GBP5: variants seen among roughly 807,000 people sequenced by gnomAD.
GBP5 encodes the protein guanylate binding protein 5.
In GBP5, 48 loss-of-function variants were observed where a neutral mutation model predicts 58.2. The observed-to-expected ratio is 0.83, with a 90% confidence interval of 0.65 to 1.05. The LOEUF is 1.05. Ranked by LOEUF, GBP5 falls within the 50% of genes least tolerant of loss-of-function variation. The probability of loss-of-function intolerance (pLI) is 0.00; values close to 1 mark genes in which losing one functional copy is unlikely to be tolerated. For synonymous variants in GBP5, 248 were observed against 251.8 expected (o/e 0.98, Z 0.14); for missense variants, 714 against 686.8 (o/e 1.04, Z -0.44).
In GBP5 at chr1:89,257,076, T is replaced by G. The variant is rs1038949312; in HGVS notation, c.*3628A>C. 2.0e-5 allele frequency among the ~76,000 whole-genome samples: 3 copies of G among 152,242 alleles called. No individual in the cohort carries two copies. Among genetic ancestry groups the G allele is most frequent in the African/African-American group, 7.2e-5 (3 of 41,464 alleles). ...TAAATTTTAACACATTATTCAGTAT[T>G]TCTATGTTTTCCTAAGTATATTAGT... On this transcript the variant is annotated 3_prime_UTR_variant, in exon 12 of 12. Transcript: ENST00000370459.
chr1:89,268,349 T>C (rs1214869368), intron 4 of GBP5, among the ~76,000 whole-genome samples: 1 of 152,240 alleles, frequency 6.6e-6, no homozygotes, highest in Admixed American at 6.5e-5. Context: ...TGGAGAGACT[T>C]ACTTCTCTTA....
intron 7 of GBP5, among the ~76,000 whole-genome samples, chr1:89,265,503 C>A (rs997344239): frequency 6.6e-6 from 1 of 151,096 alleles, no homozygotes; most frequent in Admixed American, 6.6e-5. Context: ...CTGAGGCGGG[C>A]GGATCACGAG....
chr1:89,268,189 T>C (rs1260979056), intron 4 of GBP5, among the ~76,000 whole-genome samples: 1 of 152,252 alleles, frequency 6.6e-6, no homozygotes, highest in East Asian at 1.9e-4. Context: ...AATAGTCAAG[T>C]GCTACAAATC....
At chr1:89,269,239 G>T in intron 3 of GBP5, 127 bp downstream of exon 3, 1 of 907,552 alleles carries the variant, frequency 1.1e-6, no homozygotes, top group Non-Finnish European at 1.7e-6. Context: ...AAAAAGACCA[G>T]CTGTAGCCTA....
chr1:89,268,675 C>A, intron 4 of GBP5, 54 bp downstream of exon 4: 1 of 1,586,430 alleles, frequency 6.3e-7, no homozygotes, highest in Non-Finnish European at 8.6e-7. Context: ...TAAAATCTCC[C>A]TGTGAAAAGA....
intron 2 of GBP5, chr1:89,269,968 A>G (rs1002771730): frequency 6.5e-6 from 1 of 153,128 alleles, no homozygotes; most frequent in Admixed American, 6.5e-5. Flanking sequence ...AATATATTAC[A>G]CTGTTCCTTT....
At chr1:89,264,458 T>G (rs779775488) in intron 8 of GBP5, among the ~76,000 whole-genome samples, 5 of 152,218 alleles carry the variant, frequency 3.3e-5, no homozygotes, top group African/African-American at 4.8e-5. Flanking sequence ...ATTCAGTTCA[T>G]GGGTATAACA....
rs1250879088 is a variant in GBP5 at position 89,259,008 on chromosome 1, A to G, written c.*1696T>C. On this transcript the variant is annotated 3_prime_UTR_variant, in exon 12 of 12. Coordinates refer to ENST00000370459, the MANE Select transcript of GBP5 (RefSeq NM_052942.5). The stretch of plus-strand genomic sequence containing the variant: ...AATCTGTACAAACAGATATATTTAT[A>G]TAAGTTACATATTTTAAGAAAAATC... 3 of 152,120 alleles carry G rather than the reference A, an allele frequency of 2.0e-5. No individual in the cohort carries two copies. Among genetic ancestry groups the G allele is most frequent in the Non-Finnish European group, 4.4e-5 (3 of 68,000 alleles). The allele number at this position is 152,120 out of a possible 1,614,324, so 9.4% of individuals were successfully genotyped here.
chr1:89,262,765 T>C lies in GBP5; in HGVS notation c.1383A>G (p.Lys461=), dbSNP rs752232079. The C allele has an allele frequency of 7.0e-6, 11 of 1,572,422 alleles. No homozygotes were observed. The Admixed American group carries it at 2.3e-4, about 33-fold the overall frequency. The change falls in exon 10 of 12, where the codon AAA becomes AAG. Residue 461 remains lysine, a synonymous_variant. Transcript: ENST00000370459. ...KGIQAEEVLQ[K]YLKSKESVSH... ...TCACAGACTCCTTGGACTTTAAATA[T>C]TTCTGCAGAACTTCTTCAGCCTAGC...
chr1:89,267,296 T>G, intron 5 of GBP5, 121 bp downstream of exon 5: 1 of 962,998 alleles, frequency 1.0e-6, no homozygotes, highest in African/African-American at 1.6e-5. Flanking sequence ...GCTCCTTTCT[T>G]TGTACTTTCA....
chr1:89,263,776 A>T lies in GBP5; in HGVS notation c.1322T>A (p.Leu441Gln). The part of the protein sequence containing the change: ...HNLFIQKTEE[L>Q]KAKYYREPRK... ...AGGCTCCCGATAGTACTTTGCCTTC[A>T]GTTCTTCTGTTTTCTGAATGAAGAG... Residue 441 changes from leucine to glutamine, a missense_variant, in exon 9 of 12, where the codon CTG becomes CAG. By Grantham distance (113) the Leu-to-Gln change is moderately radical (BLOSUM62 -2). Coordinates refer to ENST00000370459, the MANE Select transcript of GBP5 (RefSeq NM_052942.5). 1 of 1,613,804 alleles carries T rather than the reference A, an allele frequency of 6.2e-7. No individual in the cohort carries two copies. The highest frequency in any genetic ancestry group is 8.5e-7 in the Non-Finnish European group (1 of 1,179,894).
chr1:89,264,091 C>T, intron 8 of GBP5, 143 bp from the exon 9 acceptor site: 1 of 597,898 alleles, frequency 1.7e-6, no homozygotes, highest in Non-Finnish European at 2.9e-6. Context: ...CCCACCAAAC[C>T]TGGAAAAATT....
chr1:89,267,262 A>G (rs1359118055), intron 5 of GBP5, 109 bp from the exon 6 acceptor site: 2 of 1,022,308 alleles, frequency 2.0e-6, no homozygotes, highest in South Asian at 1.6e-5. Flanking sequence ...TAACCAAATC[A>G]TCATTTTATC....
In GBP5 at chr1:89,267,455, A is replaced by C. The variant is rs1650267465; in HGVS notation, c.390T>G (p.Thr130=). ...TAGCACCCTGATCAATTTTGTTCACAGTATTGTACACAAAGGTGCTGCTCA... is the reference window on the plus strand; with the variant it reads ...TAGCACCCTGATCAATTTTGTTCACCGTATTGTACACAAAGGTGCTGCTCA... ...LLLSSTFVYN[T]VNKIDQGAID... Residue 130 remains threonine, a synonymous_variant, in exon 5 of 12, where the codon ACT becomes ACG. Transcript: ENST00000370459. 6.2e-7 allele frequency: 1 copy of C among 1,613,966 alleles called. No homozygotes were observed. The highest frequency in any genetic ancestry group is 1.3e-5 in the African/African-American group (1 of 75,030).
Position 89,267,485 on chromosome 1 carries a change from G to C in GBP5, c.360C>G (p.Leu120=). The change falls in exon 5 of 12, where the codon CTC becomes CTG. Residue 120 remains leucine (L), a synonymous_variant. Transcript: ENST00000370459. ...TGTACACAAAGGTGCTGCTCAGTAA[G>C]AGTGCCAGTGCAAAGATCTGGATAT... The part of the protein sequence containing the change: ...KNDIQIFALA[L]LLSSTFVYNT... The C allele has an allele frequency of 6.2e-7, 1 of 1,614,054 alleles. No individual in the cohort carries two copies. Among genetic ancestry groups the C allele is most frequent in the Non-Finnish European group, 8.5e-7 (1 of 1,179,934 alleles).
intron 8 of GBP5, 36 bp from the exon 9 acceptor site, chr1:89,263,984 G>A (rs1650114529): frequency 8.4e-7 from 1 of 1,185,646 alleles, no homozygotes; most frequent in Non-Finnish European, 1.2e-6. Flanking sequence ...AAAGATGTTA[G>A]CAATACTTCA....
rs746643113 is a variant in GBP5 at position 89,260,655 on chromosome 1, T to G, written c.*49A>C. The G allele has an allele frequency of 5.6e-6, 6 of 1,077,700 alleles. No individual in the cohort carries two copies. Among genetic ancestry groups the G allele is most frequent in the Non-Finnish European group, 8.6e-6 (6 of 699,436 alleles). The allele number at this position is 1,077,700 out of a possible 1,614,324, so 66.8% of individuals were successfully genotyped here. Reference sequence around the variant, plus strand: ...AAGGTCTACAGTTTCTTTTCTGTTGTGTCATCAGTGACAAAGAGTAAAAAA... The same window carrying G: ...AAGGTCTACAGTTTCTTTTCTGTTGGGTCATCAGTGACAAAGAGTAAAAAA... On this transcript the variant is annotated 3_prime_UTR_variant, in exon 12 of 12. Transcript: ENST00000370459.
chr1:89,268,950 G>A, intron 3 of GBP5, 94 bp from the exon 4 acceptor site: 1 of 1,277,742 alleles, frequency 7.8e-7, no homozygotes, highest in Non-Finnish European at 1.1e-6. Flanking sequence ...AAAGCAAGAT[G>A]AGGAGATAGC....
Position 89,264,819 on chromosome 1 carries a change from TG to T in GBP5, c.1015del (p.Gln339ArgfsTer29). 6.2e-7 allele frequency: 1 copy of T among 1,614,190 alleles called. No individual in the cohort carries two copies. On this transcript the variant is annotated frameshift_variant, in exon 8 of 12. Coordinates refer to ENST00000370459, the MANE Select transcript of GBP5 (RefSeq NM_052942.5). LOFTEE classifies it high-confidence loss of function. ...GGTTTCCATGGGCAGCTGCACTTTC[TG>T]GCCCATTTGCTGGTCATAGTGGGCA... ...AIAHYDQQMG[Q>X]KVQLPMETLQ...
Sources: allele counts gnomAD v4.1 joint callset (sites outside exome capture counted in the v4.1 genomes callset), GRCh38; gene constraint gnomAD v4.1.1; transcripts MANE v1.5; gene names NCBI Gene and HGNC (gene_info 2026-07-23, HGNC 2026-07-21).